The following CTDP1 variants were observed in gnomAD, a reference collection of about 807,000 sequenced individuals.
CTDP1 encodes the protein RNA polymerase II subunit A C-terminal domain phosphatase.
In CTDP1, 47 loss-of-function variants were observed where a neutral mutation model predicts 91.8. The ratio of observed to expected loss-of-function variants is 0.51; its 90% CI spans 0.41 to 0.65. CTDP1 has a LOEUF of 0.65. Among genes scored for constraint, CTDP1 ranks in the 30% least tolerant of loss-of-function variants. CTDP1 has a pLI of 0.00. For synonymous variants in CTDP1, 656 were observed against 598.5 expected, an observed-to-expected ratio of 1.10 and a Z score of -1.40; for missense variants, 1,272 against 1,373.7, an observed-to-expected ratio of 0.93 and a Z score of 1.17.
chr18:79,727,885 A>G (rs2086483029), intron 10 of CTDP1, among the ~76,000 whole-genome samples: 1 of 152,142 alleles, frequency 6.6e-6, no homozygotes, highest in South Asian at 2.1e-4. Context: ...GGCTTGCCTT[A>G]AATTCCAGCA....
At chr18:79,704,562 A>C (rs2085926255) in intron 4 of CTDP1, among the ~76,000 whole-genome samples, 1 of 152,064 alleles carries the variant, frequency 6.6e-6, no homozygotes, top group Non-Finnish European at 1.5e-5. Context: ...TCCCATGTGG[A>C]GGGATGGGCA....
chr18:79,702,525 C>T, intron 4 of CTDP1, among the ~76,000 whole-genome samples: 1 of 152,084 alleles, frequency 6.6e-6, no homozygotes, highest in East Asian at 1.9e-4. Flanking sequence ...AGGCGTGTAC[C>T]ACCACACCCA....
chr18:79,737,693 G>A (rs2086694725), intron 12 of CTDP1, among the ~76,000 whole-genome samples: 1 of 152,192 alleles, frequency 6.6e-6, no homozygotes, highest in Non-Finnish European at 1.5e-5. Flanking sequence ...CTGGGTGGTG[G>A]CGGAGACCTG....
intron 10 of CTDP1, among the ~76,000 whole-genome samples, chr18:79,721,751 T>G (rs537385057): frequency 6.6e-6 from 1 of 151,736 alleles, no homozygotes; most frequent in Non-Finnish European, 1.5e-5. Context: ...AGAGCCTGTC[T>G]CAAAAAAAAA....
At chr18:79,729,622 G>C (rs114292574) in intron 11 of CTDP1, among the ~76,000 whole-genome samples, 1 of 152,218 alleles carries the variant, frequency 6.6e-6, no homozygotes, top group Admixed American at 6.5e-5. Flanking sequence ...TTTCTCAGCC[G>C]GGTCCTGCTT....
At chr18:79,741,711 G>A (rs1249102580) in intron 12 of CTDP1, among the ~76,000 whole-genome samples, 2 of 152,222 alleles carry the variant, frequency 1.3e-5, no homozygotes, top group Non-Finnish European at 2.9e-5. Context: ...GGAGACACAG[G>A]GCGGCAGGCA....
At chr18:79,749,407 C>A (rs2086948037) in intron 12 of CTDP1, among the ~76,000 whole-genome samples, 1 of 151,860 alleles carries the variant, frequency 6.6e-6, no homozygotes, top group African/African-American at 2.4e-5. Flanking sequence ...CCTGCCAGCA[C>A]CCCCGAGTCT....
Position 79,714,864 on chromosome 18 carries a change from GTCC to G in CTDP1, c.1414_1416del (p.Ser472del), listed in dbSNP as rs1192869143. On this transcript the variant is annotated inframe_deletion, in exon 8 of 13. Transcript: ENST00000613122. ...GCAGCAGTGAGTCCGAGGGCACGAA[GTCC>G]TCCTCCTCCGCCTCTGATGGCGAAA... 4.4e-6 allele frequency: 7 copies of G among 1,586,294 alleles called. No individual in the cohort carries two copies. Among genetic ancestry groups the G allele is most frequent in the South Asian group, 1.1e-5 (1 of 87,360 alleles).
chr18:79,735,208 T>G (rs34031764), intron 11 of CTDP1, among the ~76,000 whole-genome samples: 17,049 of 152,150 alleles, frequency 0.11, 1,310 homozygotes, highest in African/African-American at 0.21. Context: ...CTGTGGCCGT[T>G]TCTCGTACCT....
At chr18:79,732,391 T>A (rs533381669) in intron 11 of CTDP1, among the ~76,000 whole-genome samples, 8 of 103,552 alleles carry the variant, frequency 7.7e-5, no homozygotes, top group African/African-American at 2.7e-4. Flanking sequence ...GCTCCCAAAA[T>A]CACGCGAGAC....
intron 12 of CTDP1, among the ~76,000 whole-genome samples, chr18:79,753,101 C>T (rs970710589): frequency 2.7e-5 from 4 of 148,724 alleles, no homozygotes; most frequent in Admixed American, 2.0e-4. Flanking sequence ...TGCAGAGGCT[C>T]GTAAGGAAAG....
At position 79,727,283 on chromosome 18, in the gene CTDP1, C is replaced by G. The variant is rs1226373759; in HGVS notation, c.2418-1624C>G. Reference sequence around the variant, plus strand: ...CAACACTGCTTTGGACTGCGTGTGTCCAGTTGTACGTACATGGGTGTTTCA... The same window carrying G: ...CAACACTGCTTTGGACTGCGTGTGTGCAGTTGTACGTACATGGGTGTTTCA... On this transcript the variant is annotated intron_variant, in intron 10 of 12. Transcript: ENST00000613122. Among the ~76,000 whole-genome samples the G allele has an allele frequency of 4.6e-5, 7 of 152,230 alleles. 1 individual carries two copies. The highest frequency in any genetic ancestry group is 1.0e-4 in the Non-Finnish European group (7 of 68,034).
chr18:79,688,439 A>G (rs536243174), intron 1 of CTDP1, among the ~76,000 whole-genome samples: 1 of 152,296 alleles, frequency 6.6e-6, no homozygotes, highest in South Asian at 2.1e-4. Context: ...TAATTATTGT[A>G]TTTTTAGTAG....
At chr18:79,692,850 T>C (rs1296284719) in intron 1 of CTDP1, among the ~76,000 whole-genome samples, 1 of 152,198 alleles carries the variant, frequency 6.6e-6, no homozygotes, top group Non-Finnish European at 1.5e-5. Context: ...GAAGGCTGAT[T>C]GCAAAATGAT....
chr18:79,740,391 T>A (rs2086752521), intron 12 of CTDP1, among the ~76,000 whole-genome samples: 1 of 152,256 alleles, frequency 6.6e-6, no homozygotes. Context: ...GGACCTCACT[T>A]CTTCCTTAAA....
chr18:79,697,452 G>A (rs1269109028), intron 3 of CTDP1, among the ~76,000 whole-genome samples: 20 of 152,344 alleles, frequency 1.3e-4, no homozygotes, highest in Admixed American at 8.5e-4. Flanking sequence ...GGTTCTGAGC[G>A]CGGGAGATTC....
intron 4 of CTDP1, among the ~76,000 whole-genome samples, chr18:79,699,108 T>A (rs372533017): frequency 6.6e-6 from 1 of 152,198 alleles, no homozygotes; most frequent in Non-Finnish European, 1.5e-5. Context: ...AATTCAGGTC[T>A]AACCCACAAA....
rs1448606399 is a variant in CTDP1, at chr18:79,679,886, GGCGCTGCGCTCTGA to G, written c.-57_-44del. 3.0e-6 allele frequency: 4 copies of G among 1,321,326 alleles called. No homozygotes were observed. Among genetic ancestry groups the G allele is most frequent in the Non-Finnish European group, 3.9e-6 (4 of 1,022,886 alleles). 81.9% of individuals were successfully genotyped at this position (1,321,326 alleles called of 1,614,324 possible). Reference sequence around the variant, plus strand: ...CCGCCTGGGTTGTGTCGCCGCGGTAGGCGCTGCGCTCTGAGCGCAGCGCAGGCCCCGTACCGACC... The same window carrying G: ...CCGCCTGGGTTGTGTCGCCGCGGTAGGCGCAGCGCAGGCCCCGTACCGACC... On this transcript the variant is annotated 5_prime_UTR_variant, in exon 1 of 13. Transcript: ENST00000613122.
chr18:79,714,379 C>A (rs998842677), intron 7 of CTDP1, 112 bp from the exon 8 acceptor site: 27 of 1,269,140 alleles, frequency 2.1e-5, no homozygotes, highest in Non-Finnish European at 2.6e-5. Context: ...AAGGCCTGGT[C>A]TAGAGGGTGG....
Sources: gnomAD v4.1 joint callset for allele counts (sites outside exome capture counted in the v4.1 genomes callset) on GRCh38, gnomAD v4.1.1 for gene constraint, MANE v1.5 for transcripts, NCBI Gene and HGNC (gene_info 2026-07-23, HGNC 2026-07-21) for gene names.